Variants in HS3ST4 observed in about 807,000 individuals in gnomAD.
HS3ST4 encodes the protein heparan sulfate-glucosamine 3-sulfotransferase 4.
In HS3ST4, 17 loss-of-function variants were observed where a neutral mutation model predicts 29.2. The ratio of observed to expected loss-of-function variants is 0.58; its 90% CI spans 0.40 to 0.87. The LOEUF is 0.87. HS3ST4 is among the 40% of genes least tolerant of loss of function. HS3ST4 has a pLI of 0.00. For synonymous variants in HS3ST4, 314 were observed against 285.7 expected (o/e 1.10, Z -1.00); for missense variants, 627 against 634.5 (o/e 0.99, Z 0.13).
chr16:26,061,220 T>C (rs1477111818), intron 1 of HS3ST4, among the ~76,000 whole-genome samples: 3 of 152,240 alleles, frequency 2.0e-5, no homozygotes, highest in Non-Finnish European at 2.9e-5. Context: ...TTCCACAGAC[T>C]AGTTTAGCCA....
intron 1 of HS3ST4, among the ~76,000 whole-genome samples, chr16:25,722,425 A>G (rs988738011): frequency 2.0e-5 from 3 of 151,986 alleles, no homozygotes; most frequent in Non-Finnish European, 4.4e-5. Flanking sequence ...ACACTGCCCA[A>G]CAACCCTCAT....
At chr16:25,984,524 G>A (rs1372162831) in intron 1 of HS3ST4, among the ~76,000 whole-genome samples, 1 of 152,200 alleles carries the variant, frequency 6.6e-6, no homozygotes, top group Admixed American at 6.5e-5. Context: ...TGGCCTGGGG[G>A]TTTGGCACCC....
At chr16:26,077,387 C>T (rs1025542498) in intron 1 of HS3ST4, among the ~76,000 whole-genome samples, 2 of 152,236 alleles carry the variant, frequency 1.3e-5, no homozygotes, top group African/African-American at 4.8e-5. Context: ...ATGTTGATAA[C>T]AGTCTATGGT....
At chr16:26,105,029 C>T (rs1314219536) in intron 1 of HS3ST4, among the ~76,000 whole-genome samples, 1 of 152,184 alleles carries the variant, frequency 6.6e-6, no homozygotes, top group Non-Finnish European at 1.5e-5. Context: ...ACCTCCTTAT[C>T]CTTCTTCAAG....
At chr16:26,078,391 A>T (rs375217706) in intron 1 of HS3ST4, among the ~76,000 whole-genome samples, 2 of 152,134 alleles carry the variant, frequency 1.3e-5, no homozygotes, top group East Asian at 3.9e-4. Context: ...TTCGTGATTC[A>T]GCCGCTTCGG....
intron 1 of HS3ST4, among the ~76,000 whole-genome samples, chr16:25,899,812 T>G (rs1485840995): frequency 3.3e-5 from 5 of 152,094 alleles, no homozygotes. Flanking sequence ...CTCCTTCTTC[T>G]CTCTTCCTGT....
intron 1 of HS3ST4, among the ~76,000 whole-genome samples, chr16:25,729,212 A>G (rs1966555759): frequency 6.6e-6 from 1 of 152,210 alleles, no homozygotes; most frequent in South Asian, 2.1e-4. Flanking sequence ...AGTGGGGAAT[A>G]GTGAGAGTTT....
At chr16:25,910,743 C>T (rs1473564042) in intron 1 of HS3ST4, among the ~76,000 whole-genome samples, 1 of 152,114 alleles carries the variant, frequency 6.6e-6, no homozygotes, top group Admixed American at 6.5e-5. Flanking sequence ...TGAAATTCCA[C>T]CTACAAAAAC....
intron 1 of HS3ST4, among the ~76,000 whole-genome samples, chr16:25,804,648 C>G (rs1966972582): frequency 6.6e-6 from 1 of 151,952 alleles, no homozygotes; most frequent in Non-Finnish European, 1.5e-5. Context: ...AGTTCTTTTC[C>G]TAGGCCTCTT....
At chr16:26,134,677 G>A (rs190452370) in intron 1 of HS3ST4, among the ~76,000 whole-genome samples, 4 of 152,208 alleles carry the variant, frequency 2.6e-5, no homozygotes, top group Non-Finnish European at 5.9e-5. Context: ...AATAAGGCTC[G>A]AAGATATAAT....
intron 1 of HS3ST4, among the ~76,000 whole-genome samples, chr16:25,899,346 A>G (rs1264625747): frequency 6.6e-6 from 1 of 152,194 alleles, no homozygotes; most frequent in Non-Finnish European, 1.5e-5. Flanking sequence ...CCCAACAGGC[A>G]TTAACTTCCA....
chr16:25,765,775 C>T (rs1966814644), intron 1 of HS3ST4, among the ~76,000 whole-genome samples: 1 of 152,124 alleles, frequency 6.6e-6, no homozygotes, highest in Non-Finnish European at 1.5e-5. Context: ...ACCTGTAGAC[C>T]TATTTTCTTT....
intron 1 of HS3ST4, among the ~76,000 whole-genome samples, chr16:26,057,317 G>T (rs1898421521): frequency 6.6e-6 from 1 of 152,162 alleles, no homozygotes; most frequent in Non-Finnish European, 1.5e-5. Flanking sequence ...CCTTTCTGTG[G>T]CCAAAGGTAG....
intron 1 of HS3ST4, among the ~76,000 whole-genome samples, chr16:25,774,287 G>A (rs1284247721): frequency 6.6e-6 from 1 of 152,228 alleles, no homozygotes; most frequent in East Asian, 1.9e-4. Context: ...ACATTGACCA[G>A]CTGCCTATGT....
chr16:25,734,130 A>G (rs1217496673), intron 1 of HS3ST4, among the ~76,000 whole-genome samples: 1 of 152,216 alleles, frequency 6.6e-6, no homozygotes, highest in Non-Finnish European at 1.5e-5. Flanking sequence ...AAAACAAAAC[A>G]AAACAAAACA....
chr16:25,818,724 G>A (rs368293894), intron 1 of HS3ST4, among the ~76,000 whole-genome samples: 4 of 152,128 alleles, frequency 2.6e-5, no homozygotes, highest in East Asian at 1.9e-4. Context: ...CTACCTGGGC[G>A]TCTACATTTA....
chr16:25,762,390 T>C (rs988571922), intron 1 of HS3ST4, among the ~76,000 whole-genome samples: 2 of 152,174 alleles, frequency 1.3e-5, no homozygotes, highest in Non-Finnish European at 2.9e-5. Flanking sequence ...GTGATGGGCA[T>C]GGGCTGGGCA....
intron 1 of HS3ST4, among the ~76,000 whole-genome samples, chr16:25,763,253 G>A (rs1027717348): frequency 4.6e-5 from 7 of 152,146 alleles, no homozygotes; most frequent in African/African-American, 1.7e-4. Context: ...TGGGGAAGCT[G>A]TGGCAACTTT....
At chr16:25,923,574 G>C (rs1968375372) in intron 1 of HS3ST4, among the ~76,000 whole-genome samples, 1 of 152,056 alleles carries the variant, frequency 6.6e-6, no homozygotes, top group Non-Finnish European at 1.5e-5. Flanking sequence ...TCATTATACT[G>C]TATTTACCTG....
Sources: gnomAD v4.1 joint callset for allele counts (sites outside exome capture counted in the v4.1 genomes callset) on GRCh38, gnomAD v4.1.1 for gene constraint, MANE v1.5 for transcripts, NCBI Gene and HGNC (gene_info 2026-07-23, HGNC 2026-07-21) for gene names.